SLMAP: variants seen among roughly 807,000 people sequenced by gnomAD.
SLMAP encodes the protein sarcolemma associated protein.
SLMAP carries 44 observed loss-of-function variants against 128.8 expected under a neutral mutation model. The observed-to-expected ratio is 0.34, with a 90% CI of 0.27 to 0.44. The LOEUF is 0.44. SLMAP is among the 20% of genes least tolerant of loss of function. The pLI is 1.00. For synonymous variants in SLMAP, 327 were observed against 348.8 expected (o/e 0.94, Z 0.70); for missense variants, 787 against 985.3 (o/e 0.80, Z 2.69).
intron 2 of SLMAP, among the ~76,000 whole-genome samples, chr3:57,785,606 C>T (rs2153465519): frequency 6.6e-6 from 1 of 152,272 alleles, no homozygotes; most frequent in Non-Finnish European, 1.5e-5. Context: ...TAGCAACATA[C>T]ATGTAAATAC....
intron 6 of SLMAP, among the ~76,000 whole-genome samples, chr3:57,853,429 A>G (rs1408815031): frequency 6.6e-6 from 1 of 152,228 alleles, no homozygotes; most frequent in Non-Finnish European, 1.5e-5. Context: ...TTTGAAGTGT[A>G]TACTTCTCTG....
At chr3:57,858,746 C>G (rs1218783964) in intron 8 of SLMAP, among the ~76,000 whole-genome samples, 1 of 152,102 alleles carries the variant, frequency 6.6e-6, no homozygotes, top group Non-Finnish European at 1.5e-5. Flanking sequence ...AGTTCAAGAC[C>G]AGTCCAACCG....
intron 10 of SLMAP, among the ~76,000 whole-genome samples, chr3:57,863,112 C>G (rs1301968024): frequency 6.6e-6 from 1 of 152,198 alleles, no homozygotes; most frequent in Non-Finnish European, 1.5e-5. Context: ...TGTGCTGGAA[C>G]AAGCCCAGAG....
Position 57,766,165 on chromosome 3 carries a change from A to ATTT in SLMAP, c.198+8338_198+8340dup, listed in dbSNP as rs869169620. Among the ~76,000 whole-genome samples, 171 of 85,688 alleles carry ATTT rather than the reference A, an allele frequency of 2.0e-3. 2 individuals are homozygous for ATTT. Among genetic ancestry groups the ATTT allele is most frequent in the African/African-American group, 7.3e-3 (142 of 19,320 alleles). The allele number at this position is 85,688 out of a possible 152,430, so 56.2% of individuals were successfully genotyped here. A position where few individuals can be genotyped will look rare whatever the true frequency, so the allele number is the denominator to read the frequency against. On this transcript the variant is annotated intron_variant, in intron 2 of 24. Coordinates refer to ENST00000671191, the MANE Select transcript of SLMAP (RefSeq NM_001377540.1). Reference sequence around the variant, plus strand: ...AGGCGCCTACCACCACACCCGGCTAATTTTTTTTTTTTTTTTTTTTTTTTG... The same window carrying ATTT: ...AGGCGCCTACCACCACACCCGGCTAATTTTTTTTTTTTTTTTTTTTTTTTTTTG...
chr3:57,772,016 G>A (rs1478095216), intron 2 of SLMAP, among the ~76,000 whole-genome samples: 1 of 152,182 alleles, frequency 6.6e-6, no homozygotes, highest in Admixed American at 6.5e-5. Context: ...AGGCACCATA[G>A]AACATGGTGA....
chr3:57,777,029 A>C (rs1270476145), intron 2 of SLMAP, among the ~76,000 whole-genome samples: 2 of 151,110 alleles, frequency 1.3e-5, no homozygotes, highest in Non-Finnish European at 2.9e-5. Context: ...AGATGGTTAA[A>C]AAAAATTATT....
intron 21 of SLMAP, among the ~76,000 whole-genome samples, chr3:57,915,401 A>AAGAC (rs1199908554): frequency 1.3e-5 from 2 of 152,230 alleles, no homozygotes; most frequent in Admixed American, 6.5e-5. Flanking sequence ...TAAAGTATTT[A>AAGAC]AGACAGATTA....
At chr3:57,845,143 A>G (rs1263383480) in intron 4 of SLMAP, among the ~76,000 whole-genome samples, 1 of 152,228 alleles carries the variant, frequency 6.6e-6, no homozygotes, top group Non-Finnish European at 1.5e-5. Flanking sequence ...TATTGTTTAA[A>G]ATGCCTATTT....
chr3:57,819,545 A>C (rs266838), intron 2 of SLMAP, among the ~76,000 whole-genome samples: 24,041 of 151,868 alleles, frequency 0.16, 2,448 homozygotes, highest in East Asian at 0.43. Context: ...TTTAATGGAA[A>C]TTTTTTTCTT....
At chr3:57,812,450 C>G (rs2091155974) in intron 2 of SLMAP, among the ~76,000 whole-genome samples, 2 of 152,168 alleles carry the variant, frequency 1.3e-5, no homozygotes, top group Non-Finnish European at 2.9e-5. Flanking sequence ...ATATGTCTGT[C>G]TGTATGCCGG....
intron 22 of SLMAP, chr3:57,918,579 A>C (rs189405319): frequency 6.6e-6 from 1 of 152,230 alleles, no homozygotes; most frequent in African/African-American, 2.4e-5. Flanking sequence ...GTAATGTGAA[A>C]TTGCTCTCTT....
rs1057452996 is a variant in SLMAP, at chr3:57,756,768, G to A, written c.-884G>A. The A allele has an allele frequency of 1.3e-5, 2 of 152,280 alleles. No individual in the cohort carries two copies. The highest frequency in any genetic ancestry group is 2.4e-5 in the African/African-American group (1 of 41,452). The allele number at this position is 152,280 out of a possible 1,614,324, so 9.4% of individuals were successfully genotyped here. ...TGAGGGGAGGCGGCCCATGTGCTGA[G>A]CGGCGGCCCAGAAGCCTAGGCGTCC... On this transcript the variant is annotated 5_prime_UTR_variant, in exon 2 of 25. Transcript: ENST00000671191.
intron 2 of SLMAP, among the ~76,000 whole-genome samples, chr3:57,828,039 C>A (rs2093047252): frequency 1.3e-5 from 2 of 152,228 alleles, no homozygotes; most frequent in Admixed American, 1.3e-4. Context: ...ACCTCTGCCC[C>A]CCAGATTCAA....
intron 5 of SLMAP, 99 bp downstream of exon 5, chr3:57,847,332 T>G (rs2094303997): frequency 1.2e-6 from 1 of 836,262 alleles, no homozygotes; most frequent in Admixed American, 2.1e-5. Context: ...ATTTCTCTTT[T>G]ATAACAAAAT....
intron 14 of SLMAP, among the ~76,000 whole-genome samples, chr3:57,872,918 C>T (rs564007777): frequency 6.6e-6 from 1 of 152,278 alleles, no homozygotes; most frequent in Admixed American, 6.5e-5. Flanking sequence ...TTTTTATGCT[C>T]ATAATTTCAT....
chr3:57,875,401 G>A (rs371052762), intron 14 of SLMAP, among the ~76,000 whole-genome samples: 4 of 152,126 alleles, frequency 2.6e-5, no homozygotes, highest in East Asian at 3.9e-4. Flanking sequence ...CTGTGTCCCA[G>A]CTACTCAGGA....
chr3:57,787,454 A>T (rs2084452744), intron 2 of SLMAP, among the ~76,000 whole-genome samples: 1 of 152,110 alleles, frequency 6.6e-6, no homozygotes, highest in African/African-American at 2.4e-5. Flanking sequence ...AAATGACATG[A>T]ATTATGTAGC....
At chr3:57,862,187 G>A (rs190922115) in intron 10 of SLMAP, 101 bp downstream of exon 10, 28 of 925,018 alleles carry the variant, frequency 3.0e-5, no homozygotes, top group East Asian at 8.0e-5. Flanking sequence ...GTGGGGTGGC[G>A]GGCGCCTGTA....
chr3:57,896,637 G>T, intron 16 of SLMAP, 46 bp downstream of exon 16: 1 of 1,416,168 alleles, frequency 7.1e-7, no homozygotes, highest in Non-Finnish European at 9.6e-7. Context: ...GTTAATGGCA[G>T]TTTAGTTATA....
Sources: allele counts gnomAD v4.1 joint callset (sites outside exome capture counted in the v4.1 genomes callset), GRCh38; gene constraint gnomAD v4.1.1; transcripts MANE v1.5; gene names NCBI Gene and HGNC (gene_info 2026-07-23, HGNC 2026-07-21).